Variants in NLRP2 observed in about 807,000 individuals in gnomAD.
NLRP2 encodes the protein NLR family pyrin domain containing 2.
Under a neutral mutation model 97.2 loss-of-function variants are expected in NLRP2, and 107 were observed. The ratio of observed to expected loss-of-function variants is 1.10; its 90% CI spans 0.94 to 1.29. NLRP2 has a LOEUF of 1.29. Among genes scored for constraint, NLRP2 ranks in the 50% most tolerant of loss-of-function variants. NLRP2 has a pLI of 0.00. For synonymous variants in NLRP2, 663 were observed against 551.5 expected, an observed-to-expected ratio of 1.20 and a Z score of -2.83; for missense variants, 1,495 against 1,330.3, an observed-to-expected ratio of 1.12 and a Z score of -1.93.
At chr19:54,999,038 G>T (rs186216118) in intron 12 of NLRP2, among the ~76,000 whole-genome samples, 2,324 of 150,660 alleles carry the variant, frequency 0.015, 64 homozygotes, top group South Asian at 0.036. Context: ...CCTCCCTCCC[G>T]GACAGGGCGG....
intron 11 of NLRP2, among the ~76,000 whole-genome samples, chr19:54,996,221 C>T (rs557772954): frequency 1.3e-5 from 2 of 151,748 alleles, no homozygotes; most frequent in Admixed American, 6.6e-5. Context: ...AATAAAGTGG[C>T]AGGGTGCAGT....
chr19:54,992,799 TCCAC>T (rs2072575513), intron 10 of NLRP2, among the ~76,000 whole-genome samples: 2 of 151,932 alleles, frequency 1.3e-5, no homozygotes, highest in South Asian at 4.1e-4. Context: ...CCTCAGGTGA[TCCAC>T]CCACCTCAGC....
chr19:54,988,942 GGTGTA>G (rs1359462833), intron 8 of NLRP2, among the ~76,000 whole-genome samples: 2 of 152,076 alleles, frequency 1.3e-5, no homozygotes, highest in Non-Finnish European at 2.9e-5. Context: ...GGCCTAGGCT[GGTGTA>G]TCGCTTGAAG....
chr19:54,999,729 T>C (rs2073074777), intron 12 of NLRP2, among the ~76,000 whole-genome samples: 1 of 152,088 alleles, frequency 6.6e-6, no homozygotes, highest in East Asian at 1.9e-4. Flanking sequence ...AATATTACAT[T>C]TTATTATTTA....
At chr19:54,977,617 TCCAGTA>T in intron 3 of NLRP2, 129 bp from the exon 4 acceptor site, 2 of 835,898 alleles carry the variant, frequency 2.4e-6, no homozygotes, top group Non-Finnish European at 4.1e-6. Context: ...CACTTTTACA[TCCAGTA>T]CCTTATCAAC....
In NLRP2 at chr19:54,981,903, C is replaced by A. The variant is rs150442508; in HGVS notation, c.463+221C>A. On this transcript the variant is annotated intron_variant, in intron 5 of 12. Transcript: ENST00000448584. Reference sequence around the variant, plus strand: ...AAGCAATTCTCCTGCCTCAGCCTCCCGAGTAGCTGGGATTACAGGCATGCG... The same window carrying A: ...AAGCAATTCTCCTGCCTCAGCCTCCAGAGTAGCTGGGATTACAGGCATGCG... 2.1e-3 allele frequency among the ~76,000 whole-genome samples: 321 copies of A among 152,168 alleles called. 1 individual carries two copies. The highest frequency in any genetic ancestry group is 7.6e-3 in the African/African-American group (315 of 41,526).
chr19:54,984,329 G>GTGTGTGTTTTTTTTTTTT, intron 6 of NLRP2, among the ~76,000 whole-genome samples: 18 of 79,670 alleles, frequency 2.3e-4, no homozygotes, highest in Middle Eastern at 8.8e-3. Flanking sequence ...TTTTTTTTGT[G>GTGTGTGTTTTTTTTTTTT]TTTTTTTTTT....
At chr19:54,973,565 G>A (rs767233480) in intron 2 of NLRP2, among the ~76,000 whole-genome samples, 2 of 151,816 alleles carry the variant, frequency 1.3e-5, no homozygotes, top group Non-Finnish European at 2.9e-5. Context: ...GTAGAGACAG[G>A]GTTTTACCAT....
Position 54,994,438 on chromosome 19 carries a change from TG to T in NLRP2, c.2879+1del. The T allele has an allele frequency of 1.2e-6, 2 of 1,612,614 alleles. No individual in the cohort carries two copies. Among genetic ancestry groups the T allele is most frequent in the South Asian group, 1.1e-5 (1 of 91,000 alleles). ...RKPLCNLRCL[W>X]LWGCSIPPFS... ...ACCACTGTGCAACTTGAGATGTCTG[TG>T]GTGAGTTAACTTATAAGTTCAACTT... On this transcript the variant is annotated frameshift_variant and splice_region_variant, in exon 11 of 13. Coordinates refer to ENST00000448584, the MANE Select transcript of NLRP2 (RefSeq NM_017852.5). LOFTEE classifies it high-confidence loss of function.
intron 3 of NLRP2, among the ~76,000 whole-genome samples, chr19:54,975,044 G>A (rs1451888930): frequency 1.4e-5 from 2 of 145,478 alleles, no homozygotes. Flanking sequence ...CAAGTGATCT[G>A]CCCACCTCAG....
intron 12 of NLRP2, among the ~76,000 whole-genome samples, chr19:54,998,631 CTTTTTTTTTTTT>C (rs1179005483): frequency 1.6e-5 from 1 of 61,126 alleles, no homozygotes; most frequent in Non-Finnish European, 2.9e-5. Context: ...TTTTTTTTTC[CTTTTTTTTTTTT>C]TTTTTTTTTA....
chr19:54,997,428 T>C lies in NLRP2; in HGVS notation c.2991T>C (p.Ser997=), dbSNP rs1220702556. The change falls in exon 12 of 13, where the codon AGT becomes AGC. Residue 997 remains serine (S), a synonymous_variant. Coordinates refer to ENST00000448584, the MANE Select transcript of NLRP2 (RefSeq NM_017852.5). ...LDLGQNPLGS[S]GVKMLFETLT... is the part of the protein sequence containing the mutation. ...TGGGTCAGAATCCCTTGGGGTCTAG[T>C]GGAGTGAAGATGCTGTTTGAAACCT... 1 of 1,614,090 alleles carries C rather than the reference T, an allele frequency of 6.2e-7. No individual in the cohort carries two copies. The highest frequency in any genetic ancestry group is 8.5e-7 in the Non-Finnish European group (1 of 1,180,050).
At chr19:54,997,554 A>G (rs2072903809) in intron 12 of NLRP2, 67 bp downstream of exon 12, 1 of 1,512,336 alleles carries the variant, frequency 6.6e-7, no homozygotes, top group South Asian at 1.1e-5. Context: ...GCATAATGAC[A>G]TGGACCTGCT....
chr19:54,990,069 T>C lies in NLRP2; in HGVS notation c.2414T>C (p.Leu805Ser). ...ATTQQWADLS[L>S]ALEVNQSLTC... is the part of the protein sequence containing the mutation. Reference sequence around the variant, plus strand: ...ACTCAGCAGTGGGCTGATCTCTCCTTGGCCCTTGAAGTCAACCAGTCCCTG... The same window carrying C: ...ACTCAGCAGTGGGCTGATCTCTCCTCGGCCCTTGAAGTCAACCAGTCCCTG... Residue 805 changes from leucine to serine, a missense_variant, in exon 9 of 13, where the codon TTG becomes TCG. Transcript: ENST00000448584. The C allele has an allele frequency of 6.2e-7, 1 of 1,614,146 alleles. No individual in the cohort carries two copies. Among genetic ancestry groups the C allele is most frequent in the Non-Finnish European group, 8.5e-7 (1 of 1,180,036 alleles).
At chr19:54,999,437 A>T (rs1257817543) in intron 12 of NLRP2, among the ~76,000 whole-genome samples, 1 of 152,164 alleles carries the variant, frequency 6.6e-6, no homozygotes, top group Non-Finnish European at 1.5e-5. Context: ...GTGAGCCACC[A>T]TGCCTGGCCT....
At chr19:54,986,551 A>G (rs1481981629) in intron 8 of NLRP2, 2 of 540,744 alleles carry the variant, frequency 3.7e-6, no homozygotes, top group African/African-American at 4.0e-5. Context: ...CAGAATCTTT[A>G]TCATCTTTTT....
intron 10 of NLRP2, 64 bp downstream of exon 10, chr19:54,990,736 T>G: frequency 6.4e-7 from 1 of 1,551,532 alleles, no homozygotes; most frequent in African/African-American, 1.4e-5. Context: ...CCTCCGGGTT[T>G]GAGTAGGGTG....
chr19:54,970,395 C>T (rs185242684), intron 2 of NLRP2, 100 bp downstream of exon 2: 34 of 1,421,328 alleles, frequency 2.4e-5, no homozygotes, highest in Middle Eastern at 1.8e-4. Context: ...TCACGCCTGT[C>T]GTCCCAGCCC....
chr19:54,996,758 C>G (rs2072848626), intron 11 of NLRP2, among the ~76,000 whole-genome samples: 1 of 151,870 alleles, frequency 6.6e-6, no homozygotes, highest in South Asian at 2.1e-4. Context: ...CTGGAGAACT[C>G]CCCCCCGAGC....
Sources: allele counts gnomAD v4.1 joint callset (sites outside exome capture counted in the v4.1 genomes callset), GRCh38; gene constraint gnomAD v4.1.1; transcripts MANE v1.5; gene names NCBI Gene and HGNC (gene_info 2026-07-23, HGNC 2026-07-21).